TESK2: variants seen among roughly 807,000 people sequenced by gnomAD.
TESK2 encodes the protein dual specificity testis-specific protein kinase 2.
TESK2 carries 39 observed loss-of-function variants against 57.1 expected under a neutral mutation model. The observed-to-expected ratio is 0.68, with a 90% CI of 0.53 to 0.89. TESK2 has a LOEUF of 0.89. TESK2 is among the 40% of genes least tolerant of loss of function. The pLI, the probability that TESK2 is intolerant of heterozygous loss-of-function variation, is 0.00. For synonymous variants in TESK2, 249 were observed against 267.9 expected (o/e 0.93, Z 0.69); for missense variants, 646 against 732.1 (o/e 0.88, Z 1.36).
intron 1 of TESK2, among the ~76,000 whole-genome samples, chr1:45,470,626 G>A (rs1011549411): frequency 6.6e-6 from 1 of 152,168 alleles, no homozygotes; most frequent in Non-Finnish European, 1.5e-5. Context: ...CAGGCCCTAA[G>A]CCATGACATA....
At chr1:45,398,324 T>C (rs1231899264) in intron 3 of TESK2, among the ~76,000 whole-genome samples, 2 of 152,026 alleles carry the variant, frequency 1.3e-5, no homozygotes, top group African/African-American at 4.8e-5. Flanking sequence ...GGAGAATCAC[T>C]TGAGGTCAAG....
intron 3 of TESK2, among the ~76,000 whole-genome samples, chr1:45,403,101 T>C (rs1440340834): frequency 6.6e-6 from 1 of 151,558 alleles, no homozygotes; most frequent in East Asian, 1.9e-4. Flanking sequence ...CTGGGCAACA[T>C]AGGGAGACCT....
chr1:45,390,876 G>A (rs1183073538), intron 3 of TESK2, among the ~76,000 whole-genome samples: 1 of 150,742 alleles, frequency 6.6e-6, no homozygotes, highest in Non-Finnish European at 1.5e-5. Flanking sequence ...CTAAAGTGCT[G>A]AGCTTACAGG....
chr1:45,371,256 T>G (rs1414223586), intron 4 of TESK2, among the ~76,000 whole-genome samples: 3 of 152,206 alleles, frequency 2.0e-5, no homozygotes, highest in African/African-American at 7.2e-5. Context: ...CTTCTGGGTA[T>G]GTACCCAAAA....
At position 45,405,718 on chromosome 1, in the gene TESK2, A is replaced by C. The variant is rs534948919; in HGVS notation, c.344+16007T>G. On this transcript the variant is annotated intron_variant, in intron 3 of 10. Coordinates refer to ENST00000372086, the MANE Select transcript of TESK2 (RefSeq NM_007170.3). The stretch of plus-strand genomic sequence containing the variant: ...CTACATATATATACACACACACACA[A>C]AAATTAGCCAGGTGTGGTGGTGTAT... Among the ~76,000 whole-genome samples, 221 of 151,282 alleles carry C rather than the reference A, an allele frequency of 1.5e-3. 1 individual carries two copies. In the Middle Eastern group the frequency reaches 0.031, roughly 22 times the overall value.
intron 3 of TESK2, among the ~76,000 whole-genome samples, chr1:45,400,345 C>T (rs1407045558): frequency 6.6e-6 from 1 of 152,146 alleles, no homozygotes; most frequent in Admixed American, 6.5e-5. Context: ...GGAATGCAGC[C>T]CTGCTGATAC....
chr1:45,390,815 C>A (rs1312671583), intron 3 of TESK2, among the ~76,000 whole-genome samples: 1 of 151,118 alleles, frequency 6.6e-6, no homozygotes, highest in African/African-American at 2.4e-5. Context: ...ATTATGTTGC[C>A]TAGGCTGGTC....
At chr1:45,404,015 T>G (rs750851314) in intron 3 of TESK2, among the ~76,000 whole-genome samples, 1 of 151,894 alleles carries the variant, frequency 6.6e-6, no homozygotes, top group Non-Finnish European at 1.5e-5. Flanking sequence ...ATCCACAAAC[T>G]CAAGTATTTA....
At chr1:45,401,235 A>G (rs1300154857) in intron 3 of TESK2, among the ~76,000 whole-genome samples, 14 of 151,574 alleles carry the variant, frequency 9.2e-5, no homozygotes, top group Admixed American at 8.6e-4. Context: ...TGTCTCTACT[A>G]AAAATATAAA....
intron 1 of TESK2, among the ~76,000 whole-genome samples, chr1:45,481,342 G>A (rs7530269): frequency 0.052 from 7,880 of 152,134 alleles, 711 homozygotes; most frequent in African/African-American, 0.18. Flanking sequence ...TCCAGCCTGG[G>A]CGACAGAGCA....
chr1:45,421,864 A>G lies in TESK2; in HGVS notation c.223-18T>C, dbSNP rs961201282. Reference sequence around the variant, plus strand: ...TGTCGTACCTAGAATATTAAATAGAACAAGAAAAGAGGGTCAAGGGCAATA... The same window carrying G: ...TGTCGTACCTAGAATATTAAATAGAGCAAGAAAAGAGGGTCAAGGGCAATA... On this transcript the variant is annotated intron_variant, in intron 2 of 10. Coordinates refer to ENST00000372086, the MANE Select transcript of TESK2 (RefSeq NM_007170.3). The G allele has an allele frequency of 2.5e-6, 4 of 1,613,292 alleles. No individual in the cohort carries two copies. In the African/African-American group the frequency reaches 5.3e-5, roughly 22 times the overall value.
rs188167455 is a variant in TESK2 at position 45,365,146 on chromosome 1, T to A, written c.394-9697A>T. The stretch of plus-strand genomic sequence containing the variant: ...AAAGCTTTGTTACTGCTCTGGGTAA[T>A]TCCAGAACAGACATCCCAAGAGTGC... On this transcript the variant is annotated intron_variant, in intron 4 of 10. Coordinates refer to ENST00000372086, the MANE Select transcript of TESK2 (RefSeq NM_007170.3). 1.5e-3 allele frequency among the ~76,000 whole-genome samples: 230 copies of A among 152,278 alleles called. 2 individuals carry two copies. The highest frequency in any genetic ancestry group is 0.013 in the Admixed American group (206 of 15,288).
At chr1:45,427,749 T>C (rs1650756361) in intron 2 of TESK2, among the ~76,000 whole-genome samples, 1 of 152,056 alleles carries the variant, frequency 6.6e-6, no homozygotes, top group Non-Finnish European at 1.5e-5. Context: ...TGATGATGGT[T>C]AACAGAGGCT....
intron 2 of TESK2, among the ~76,000 whole-genome samples, chr1:45,437,598 G>A (rs1651284184): frequency 6.6e-6 from 1 of 152,140 alleles, no homozygotes; most frequent in Non-Finnish European, 1.5e-5. Context: ...GAATAGGAGT[G>A]GTGAAAGTGA....
chr1:45,433,835 T>C (rs1367431584), intron 2 of TESK2, among the ~76,000 whole-genome samples: 2 of 152,152 alleles, frequency 1.3e-5, no homozygotes. Context: ...GGTAGTTCTA[T>C]TTTTTACTTT....
At position 45,457,768 on chromosome 1, in the gene TESK2, C is replaced by T. The variant is rs761108516; in HGVS notation, c.18G>A (p.Arg6=). The T allele has an allele frequency of 6.2e-7, 1 of 1,614,040 alleles. No individual in the cohort carries two copies. Among genetic ancestry groups the T allele is most frequent in the Non-Finnish European group, 8.5e-7 (1 of 1,179,938 alleles). The change falls in exon 2 of 11, where the codon CGG becomes CGA. Residue 6 remains arginine (R), a synonymous_variant. Transcript: ENST00000372086. MDRSK[R]NSIAGFPPRV... is the part of the protein sequence containing the mutation. ...GTGGAGGAAATCCTGCAATTGAATT[C>T]CGTTTGCTCCGATCCATAGTCTAAA...
intron 2 of TESK2, among the ~76,000 whole-genome samples, chr1:45,451,589 A>G (rs1023717150): frequency 3.9e-5 from 6 of 152,144 alleles, no homozygotes; most frequent in African/African-American, 1.4e-4. Flanking sequence ...TAGGACCTGA[A>G]TTGTCCTCAA....
intron 2 of TESK2, among the ~76,000 whole-genome samples, chr1:45,432,758 CTTTTTTTTTTTT>C (rs1300292630): frequency 1.1e-4 from 10 of 87,642 alleles, no homozygotes; most frequent in Non-Finnish European, 1.4e-4. Flanking sequence ...AATATTATAA[CTTTTTTTTTTTT>C]TTTTTTTTTT....
At chr1:45,384,816 C>G (rs1170460304) in intron 4 of TESK2, among the ~76,000 whole-genome samples, 1 of 151,846 alleles carries the variant, frequency 6.6e-6, no homozygotes, top group Non-Finnish European at 1.5e-5. Context: ...GAGATACAGA[C>G]AGATTCAAAC....
Sources: gnomAD v4.1 joint callset for allele counts (sites outside exome capture counted in the v4.1 genomes callset) on GRCh38, gnomAD v4.1.1 for gene constraint, MANE v1.5 for transcripts, NCBI Gene and HGNC (gene_info 2026-07-23, HGNC 2026-07-21) for gene names.